The following LRMDA variants were observed in gnomAD, a reference collection of about 807,000 sequenced individuals.
LRMDA encodes leucine rich melanocyte differentiation associated, also known as leucine-rich melanocyte differentiation-associated protein.
Under a neutral mutation model 29.8 loss-of-function variants are expected in LRMDA, and 18 were observed. That is an observed-to-expected ratio of 0.60 (90% CI 0.42 to 0.90). LRMDA has a LOEUF of 0.90. LRMDA is among the 40% of genes least tolerant of loss of function. LRMDA has a pLI of 0.00. For synonymous variants in LRMDA, 125 were observed against 109.4 expected (o/e 1.14, Z -0.89); for missense variants, 273 against 273.9 (o/e 1.00, Z 0.02).
At chr10:76,226,998 T>A (rs886644715) in intron 5 of LRMDA, among the ~76,000 whole-genome samples, 1 of 152,188 alleles carries the variant, frequency 6.6e-6, no homozygotes, top group Non-Finnish European at 1.5e-5. Flanking sequence ...ATAAGAGAAA[T>A]ACATGGCATA....
At chr10:76,038,537 C>A (rs954244318) in intron 3 of LRMDA, among the ~76,000 whole-genome samples, 3 of 152,138 alleles carry the variant, frequency 2.0e-5, no homozygotes, top group African/African-American at 7.2e-5. Flanking sequence ...CCTTTTTTCT[C>A]CTCTGCTCTA....
chr10:75,806,118 C>T (rs1843847564), intron 2 of LRMDA, among the ~76,000 whole-genome samples: 1 of 152,124 alleles, frequency 6.6e-6, no homozygotes, highest in African/African-American at 2.4e-5. Flanking sequence ...GTACCACACA[C>T]TTAAACCACC....
chr10:76,099,114 C>T (rs1849357999), intron 5 of LRMDA, among the ~76,000 whole-genome samples: 1 of 152,174 alleles, frequency 6.6e-6, no homozygotes, highest in Admixed American at 6.5e-5. Context: ...ACTCCTAAAC[C>T]ATAATTTCTA....
At chr10:76,129,223 G>A (rs1371476521) in intron 5 of LRMDA, among the ~76,000 whole-genome samples, 1 of 152,092 alleles carries the variant, frequency 6.6e-6, no homozygotes, top group African/African-American at 2.4e-5. Context: ...CTCATCTGTG[G>A]GCTGATACCC....
chr10:76,084,188 T>TCTATTTATTTATTTA (rs1168443008), intron 5 of LRMDA, among the ~76,000 whole-genome samples: 4 of 144,360 alleles, frequency 2.8e-5, no homozygotes, highest in African/African-American at 1.1e-4. Flanking sequence ...TTTTCTTTTC[T>TCTATTTATTTATTTA]TTTCTCTATT....
intron 2 of LRMDA, among the ~76,000 whole-genome samples, chr10:75,662,314 A>G (rs1841764191): frequency 6.6e-6 from 1 of 152,204 alleles, no homozygotes; most frequent in Non-Finnish European, 1.5e-5. Context: ...ATTCTATCCC[A>G]TCTAAGGGAA....
At chr10:76,077,013 C>T (rs1346877596) in intron 5 of LRMDA, among the ~76,000 whole-genome samples, 4 of 152,066 alleles carry the variant, frequency 2.6e-5, no homozygotes, top group African/African-American at 7.2e-5. Flanking sequence ...GACATGGCCT[C>T]GAAACAATGT....
chr10:75,930,729 A>G (rs1039605180), intron 2 of LRMDA, among the ~76,000 whole-genome samples: 7 of 152,178 alleles, frequency 4.6e-5, no homozygotes, highest in African/African-American at 1.7e-4. Context: ...CTTTGAGTGC[A>G]ATGTTCATTT....
chr10:76,113,477 A>G (rs566234509), intron 5 of LRMDA, among the ~76,000 whole-genome samples: 3 of 152,216 alleles, frequency 2.0e-5, no homozygotes, highest in African/African-American at 4.8e-5. Context: ...TGAGGGGGGA[A>G]AAAACCAACC....
At chr10:75,900,467 T>A (rs1268732169) in intron 2 of LRMDA, among the ~76,000 whole-genome samples, 1 of 152,182 alleles carries the variant, frequency 6.6e-6, no homozygotes, top group Admixed American at 6.5e-5. Flanking sequence ...AGGATCAAAA[T>A]AGCCTCTTTA....
intron 6 of LRMDA, among the ~76,000 whole-genome samples, chr10:76,497,841 G>A (rs1242315192): frequency 1.3e-5 from 1 of 75,118 alleles, no homozygotes; most frequent in African/African-American, 3.2e-5. Flanking sequence ...CTGGTTTTTG[G>A]CATCCTTCCT....
At chr10:76,000,334 C>T (rs1847540505) in intron 2 of LRMDA, among the ~76,000 whole-genome samples, 1 of 152,150 alleles carries the variant, frequency 6.6e-6, no homozygotes, top group Non-Finnish European at 1.5e-5. Flanking sequence ...AAGATGGCTC[C>T]TACTGCGGTG....
At position 76,455,407 on chromosome 10, in the gene LRMDA, C is replaced by T. The variant is rs533490357; in HGVS notation, c.602-101802C>T. The stretch of plus-strand genomic sequence containing the variant: ...GGCTGGTCACCTCTTCCTGCAAGGT[C>T]CTGAGGTAAGAGTATGCATCGATGC... On this transcript the variant is annotated intron_variant, in intron 6 of 6. Transcript: ENST00000611255. 1.3e-4 allele frequency among the ~76,000 whole-genome samples: 20 copies of T among 152,234 alleles called. No individual in the cohort carries two copies. The South Asian group carries it at 4.1e-3, about 32-fold the overall frequency.
chr10:76,495,224 T>C (rs1842870498), intron 6 of LRMDA, among the ~76,000 whole-genome samples: 1 of 133,478 alleles, frequency 7.5e-6, no homozygotes, highest in Admixed American at 7.8e-5. Flanking sequence ...TTTTGTTTTG[T>C]TTTGCTGATG....
intron 5 of LRMDA, among the ~76,000 whole-genome samples, chr10:76,120,722 C>T (rs1849770499): frequency 6.6e-6 from 1 of 152,010 alleles, no homozygotes; most frequent in African/African-American, 2.4e-5. Context: ...TGAGCTTGTA[C>T]ATACCAAGGA....
intron 2 of LRMDA, among the ~76,000 whole-genome samples, chr10:75,685,550 T>C (rs1842071197): frequency 6.6e-6 from 1 of 152,200 alleles, no homozygotes; most frequent in South Asian, 2.1e-4. Flanking sequence ...CATCCATCTA[T>C]CTTCTCATGT....
intron 5 of LRMDA, among the ~76,000 whole-genome samples, chr10:76,297,709 G>A (rs942767728): frequency 6.6e-6 from 1 of 152,146 alleles, no homozygotes; most frequent in African/African-American, 2.4e-5. Context: ...GGTGACTTCT[G>A]AAAGTTATAA....
At chr10:76,261,064 C>CTTTTTTTTTTTTTTTTTTTT (rs58554883) in intron 5 of LRMDA, among the ~76,000 whole-genome samples, 1 of 117,734 alleles carries the variant, frequency 8.5e-6, no homozygotes, top group Non-Finnish European at 1.7e-5. Flanking sequence ...CTTTTCTTTT[C>CTTTTTTTTTTTTTTTTTTTT]TTTTTTTTTT....
intron 5 of LRMDA, among the ~76,000 whole-genome samples, chr10:76,152,386 G>T (rs536030951): frequency 2.6e-4 from 39 of 152,152 alleles, no homozygotes; most frequent in African/African-American, 8.7e-4. Flanking sequence ...ATATTCCATT[G>T]TATAGATATA....
Sources: gnomAD v4.1 joint callset for allele counts (sites outside exome capture counted in the v4.1 genomes callset) on GRCh38, gnomAD v4.1.1 for gene constraint, MANE v1.5 for transcripts, NCBI Gene and HGNC (gene_info 2026-07-23, HGNC 2026-07-21) for gene names.